The following ZBTB37 variants were observed in gnomAD, a reference collection of about 807,000 sequenced individuals.
The protein encoded by ZBTB37 is zinc finger and BTB domain-containing protein 37.
Under a neutral mutation model 37.7 loss-of-function variants are expected in ZBTB37, and 15 were observed. The observed-to-expected ratio is 0.40, with a 90% CI of 0.27 to 0.61. The LOEUF is 0.61. Among genes scored for constraint, ZBTB37 ranks in the 20% least tolerant of loss-of-function variants. The probability of loss-of-function intolerance (pLI) is 0.44; values close to 1 mark genes in which losing one functional copy is unlikely to be tolerated. For missense variants in ZBTB37, 514 were observed against 641.9 expected, an observed-to-expected ratio of 0.80 and a Z score of 2.15; for synonymous variants, 231 against 220.6, an observed-to-expected ratio of 1.05 and a Z score of -0.42.
At chr1:173,869,573 A>G (rs1360272722) in intron 2 of ZBTB37, among the ~76,000 whole-genome samples, 3 of 152,166 alleles carry the variant, frequency 2.0e-5, no homozygotes, top group East Asian at 1.9e-4. Flanking sequence ...CATTCTCTGC[A>G]TCTTGGTTGA....
rs949591635 is a variant in ZBTB37, at chr1:173,899,327, C to T, written c.*13203C>T. ...TTTTGTTTGTGCCCAGAGTTTTGTC[C>T]TAGGCCTGTCCCCTGATCTTTTGCT... is the stretch of plus-strand genomic sequence containing the variant. On this transcript the variant is annotated 3_prime_UTR_variant, in exon 4 of 4. Transcript: ENST00000367701. 3 of 152,228 alleles carry T rather than the reference C, an allele frequency of 2.0e-5. No homozygotes were observed. In the East Asian group the frequency reaches 5.8e-4, roughly 29 times the overall value. 9.4% of individuals were successfully genotyped at this position (152,228 alleles called of 1,614,324 possible). A position where few individuals can be genotyped will look rare whatever the true frequency, so the allele number is the denominator to read the frequency against.
At chr1:173,886,141 G>A in exon 5 of ZBTB37, 1 of 1,543,230 alleles carries the variant, frequency 6.5e-7, no homozygotes, top group South Asian at 1.2e-5. Context: ...CAGGGGGAGG[G>A]GGCTGACCCT....
At chr1:173,870,784 C>G in exon 3 of ZBTB37, 1 of 1,614,210 alleles carries the variant, frequency 6.2e-7, no homozygotes, top group Non-Finnish European at 8.5e-7. Flanking sequence ...TATCAGAGAG[C>G]TAAGTCCTCC....
intron 4 of ZBTB37, among the ~76,000 whole-genome samples, chr1:173,875,802 G>A (rs548293658): frequency 9.9e-5 from 15 of 151,944 alleles, no homozygotes; most frequent in South Asian, 2.1e-4. Context: ...CCACAGATGC[G>A]CACTACCATG....
At chr1:173,871,064 G>T in exon 3 of ZBTB37, 1 of 1,614,170 alleles carries the variant, frequency 6.2e-7, no homozygotes, top group Non-Finnish European at 8.5e-7. Context: ...GATACCACAG[G>T]CCATGGTTCT....
intron 2 of ZBTB37, 32 bp from the exon 3 acceptor site, chr1:173,870,168 A>G: frequency 2.9e-6 from 4 of 1,368,172 alleles, no homozygotes; most frequent in Non-Finnish European, 3.9e-6. Context: ...AATTATAATT[A>G]TTAATGAGAA....
At chr1:173,870,236 G>C (rs145630510) in exon 3 of ZBTB37, 218 of 1,610,888 alleles carry the variant, frequency 1.4e-4, no homozygotes, top group Non-Finnish European at 1.7e-4. Context: ...ATGGAGAAAG[G>C]TGGGAACATA....
chr1:173,886,728 A>G (rs1352903515), downstream of ZBTB37: 1 of 152,904 alleles, frequency 6.5e-6, no homozygotes, highest in Non-Finnish European at 1.5e-5. Context: ...GTTATTTCAT[A>G]TAATCAGCCA....
rs1194584064 is a variant in ZBTB37 at position 173,875,330 on chromosome 1, ATTT to A, written c.1023+1777_1023+1779del. Among the ~76,000 whole-genome samples the A allele has an allele frequency of 1.6e-4, 19 of 122,428 alleles. 1 individual carries two copies. The highest frequency in any genetic ancestry group is 1.6e-4 in the Admixed American group (2 of 12,902). 80.3% of individuals were successfully genotyped at this position (122,428 alleles called of 152,430 possible). A position where few individuals can be genotyped will look rare whatever the true frequency, so the allele number is the denominator to read the frequency against. On this transcript the variant is annotated intron_variant, in intron 4 of 4. Coordinates refer to ENST00000427304, the Ensembl canonical transcript of ZBTB37. Reference sequence around the variant, plus strand: ...TATATATGTGTGCATATATATATATATTTTTTTTTTTTTTTGAGGCAGTCTTGC... The same window carrying A: ...TATATATGTGTGCATATATATATATATTTTTTTTTTTTGAGGCAGTCTTGC...
chr1:173,871,216 GT>G, intron 3 of ZBTB37, 68 bp downstream of exon 3: 1 of 1,392,372 alleles, frequency 7.2e-7, no homozygotes, highest in South Asian at 1.4e-5. Context: ...AGTGTCCTCT[GT>G]AGTACAGAGA....
At chr1:173,873,774 TTCTACC>T (rs1160829942) in intron 4 of ZBTB37, 1 of 703,670 alleles carries the variant, frequency 1.4e-6, no homozygotes, top group Non-Finnish European at 2.1e-6. Flanking sequence ...AGACTGGTAT[TTCTACC>T]AAGCATAGAT....
exon 4 of ZBTB37, chr1:173,894,801 T>A (rs971801471): frequency 6.6e-5 from 10 of 152,178 alleles, no homozygotes; most frequent in African/African-American, 2.4e-4. Context: ...TTAATGTTTT[T>A]TTTGTTTTGT....
At chr1:173,881,875 A>T (rs1656330469) in intron 4 of ZBTB37, among the ~76,000 whole-genome samples, 1 of 152,088 alleles carries the variant, frequency 6.6e-6, no homozygotes, top group African/African-American at 2.4e-5. Context: ...TAACACGGTG[A>T]AACCCTGTCT....
chr1:173,878,940 C>CAT (rs1253025473), intron 4 of ZBTB37, among the ~76,000 whole-genome samples: 1 of 151,754 alleles, frequency 6.6e-6, no homozygotes, highest in Non-Finnish European at 1.5e-5. Context: ...AATACAAAAA[C>CAT]ATTAGCCAGG....
chr1:173,884,721 TTA>T (rs1656527301), intron 4 of ZBTB37, among the ~76,000 whole-genome samples: 1 of 152,270 alleles, frequency 6.6e-6, no homozygotes, highest in African/African-American at 2.4e-5. Flanking sequence ...ATGTCACAAT[TTA>T]TAATATGTTG....
chr1:173,888,341 T>G (rs1021806289), downstream of ZBTB37: 1 of 152,230 alleles, frequency 6.6e-6, no homozygotes, highest in African/African-American at 2.4e-5. Context: ...CTGCTTTGGA[T>G]GGAGCCTTTA....
chr1:173,872,358 C>A (rs1655628015), intron 3 of ZBTB37, among the ~76,000 whole-genome samples: 1 of 151,918 alleles, frequency 6.6e-6, no homozygotes, highest in African/African-American at 2.4e-5. Context: ...CAGGTGTGAG[C>A]CACTGCGCCC....
chr1:173,884,583 T>C (rs1656518481), intron 4 of ZBTB37, among the ~76,000 whole-genome samples: 1 of 152,180 alleles, frequency 6.6e-6, no homozygotes, highest in Non-Finnish European at 1.5e-5. Context: ...TTAGTAGTCT[T>C]TAGAGTGAAA....
At chr1:173,882,802 G>C (rs775044154) in intron 4 of ZBTB37, among the ~76,000 whole-genome samples, 8 of 152,204 alleles carry the variant, frequency 5.3e-5, no homozygotes, top group African/African-American at 1.9e-4. Context: ...CATAAGGCTA[G>C]CCAGTTTTCC....
Sources: gnomAD v4.1 joint callset for allele counts (sites outside exome capture counted in the v4.1 genomes callset) on GRCh38, gnomAD v4.1.1 for gene constraint, MANE v1.5 for transcripts, NCBI Gene and HGNC (gene_info 2026-07-23, HGNC 2026-07-21) for gene names.